Variants in NTM observed in about 807,000 individuals in gnomAD.
NTM encodes neurotrimin, also known as IgLON family member 2.
Under a neutral mutation model 42.1 loss-of-function variants are expected in NTM, and 13 were observed. The observed-to-expected ratio is 0.31, with a 90% CI of 0.20 to 0.49. The LOEUF (loss-of-function observed/expected upper bound fraction) is 0.49. NTM is among the 20% of genes least tolerant of loss of function. The probability of loss-of-function intolerance (pLI) is 0.99; values close to 1 mark genes in which losing one functional copy is unlikely to be tolerated. For missense variants in NTM, 373 were observed against 452.8 expected, an observed-to-expected ratio of 0.82 and a Z score of 1.60; for synonymous variants, 187 against 179.2, an observed-to-expected ratio of 1.04 and a Z score of -0.35.
At chr11:132,044,957 A>G (rs559447677) in intron 2 of NTM, among the ~76,000 whole-genome samples, 1 of 152,320 alleles carries the variant, frequency 6.6e-6, no homozygotes, top group South Asian at 2.1e-4. Flanking sequence ...TACAAAGAAG[A>G]GATAGTACCA....
chr11:131,817,997 A>G (rs949261166), intron 1 of NTM, among the ~76,000 whole-genome samples: 2 of 152,084 alleles, frequency 1.3e-5, no homozygotes, highest in South Asian at 2.1e-4. Context: ...TTCACCAGCA[A>G]CAACACTGAA....
At chr11:132,327,228 C>A (rs1010193496) in intron 7 of NTM, among the ~76,000 whole-genome samples, 1 of 152,212 alleles carries the variant, frequency 6.6e-6, no homozygotes, top group Non-Finnish European at 1.5e-5. Context: ...GGCTCCGTGG[C>A]TGTTCATTTT....
At chr11:131,777,522 A>G (rs1183587988) in intron 1 of NTM, among the ~76,000 whole-genome samples, 1 of 140,778 alleles carries the variant, frequency 7.1e-6, no homozygotes, top group African/African-American at 2.7e-5. Flanking sequence ...TACCATTCTT[A>G]GCATGAGTTT....
At chr11:131,643,238 G>T (rs1342710978) in intron 1 of NTM, among the ~76,000 whole-genome samples, 1 of 152,214 alleles carries the variant, frequency 6.6e-6, no homozygotes, top group East Asian at 1.9e-4. Flanking sequence ...GCACAGCTCA[G>T]AGTGAGTTAA....
At chr11:132,317,734 A>C in intron 7 of NTM, 1 of 1,189,238 alleles carries the variant, frequency 8.4e-7, no homozygotes, top group Non-Finnish European at 1.1e-6. Flanking sequence ...CCTTCCCTCT[A>C]TCCCAGAGGC....
chr11:132,034,079 A>T (rs558240950), intron 2 of NTM, among the ~76,000 whole-genome samples: 2 of 152,314 alleles, frequency 1.3e-5, no homozygotes, highest in African/African-American at 4.8e-5. Flanking sequence ...ATCAAAATAC[A>T]TGACTTTCTT....
intron 1 of NTM, among the ~76,000 whole-genome samples, chr11:131,906,287 T>C (rs1159725131): frequency 6.6e-6 from 1 of 152,060 alleles, no homozygotes; most frequent in Non-Finnish European, 1.5e-5. Context: ...AGTTACTGAG[T>C]GGTCAGCTCT....
chr11:131,932,373 A>T (rs1207396201), intron 2 of NTM, among the ~76,000 whole-genome samples: 2 of 152,228 alleles, frequency 1.3e-5, no homozygotes, highest in Non-Finnish European at 2.9e-5. Flanking sequence ...CAACAAAAAC[A>T]TGCATTATTT....
chr11:131,834,548 C>A (rs2043224141), intron 1 of NTM, among the ~76,000 whole-genome samples: 1 of 150,556 alleles, frequency 6.6e-6, no homozygotes, highest in Non-Finnish European at 1.5e-5. Context: ...TCATCACCCC[C>A]AATGCCATCA....
intron 1 of NTM, among the ~76,000 whole-genome samples, chr11:131,672,487 G>A (rs994794772): frequency 6.6e-6 from 1 of 152,194 alleles, no homozygotes; most frequent in Admixed American, 6.5e-5. Flanking sequence ...CAGCTGGAGT[G>A]CCTCACCCTT....
At chr11:131,487,360 C>T (rs903353133) in intron 1 of NTM, among the ~76,000 whole-genome samples, 5 of 152,078 alleles carry the variant, frequency 3.3e-5, no homozygotes, top group Admixed American at 2.6e-4. Context: ...ACTGGATGCC[C>T]CAAACATAAC....
At chr11:131,532,240 CCCCACT>C (rs1363604609) in intron 1 of NTM, among the ~76,000 whole-genome samples, 1 of 152,184 alleles carries the variant, frequency 6.6e-6, no homozygotes, top group African/African-American at 2.4e-5. Flanking sequence ...CCATTCTCCA[CCCCACT>C]CCTCCAGCTC....
chr11:131,811,102 G>T (rs966363691), intron 1 of NTM, among the ~76,000 whole-genome samples: 6 of 152,188 alleles, frequency 3.9e-5, no homozygotes, highest in Admixed American at 3.9e-4. Flanking sequence ...GAGTAGGAAT[G>T]GGATGTTGTT....
At chr11:132,047,852 T>C (rs1251647363) in intron 2 of NTM, among the ~76,000 whole-genome samples, 6 of 152,188 alleles carry the variant, frequency 3.9e-5, no homozygotes, top group Non-Finnish European at 8.8e-5. Context: ...TCATATTACA[T>C]CCTTGACCTG....
Position 132,225,731 on chromosome 11 carries a change from C to G in NTM, c.526+13584C>G, listed in dbSNP as rs185329147. Among the ~76,000 whole-genome samples the G allele has an allele frequency of 7.2e-4, 109 of 152,088 alleles. 1 individual carries two copies. The highest frequency in any genetic ancestry group is 5.4e-3 in the Admixed American group (83 of 15,282). The stretch of plus-strand genomic sequence containing the variant: ...TTATTTAAATTTATTTTTTATTGTA[C>G]TTTAAGTTCTGGGATACGTGTGCAG... On this transcript the variant is annotated intron_variant, in intron 4 of 8. Transcript: ENST00000683400.
chr11:131,725,779 A>G (rs1439288061), intron 1 of NTM, among the ~76,000 whole-genome samples: 1 of 152,176 alleles, frequency 6.6e-6, no homozygotes, highest in Non-Finnish European at 1.5e-5. Flanking sequence ...GAAGAAGGAC[A>G]GAATCTGACT....
chr11:131,934,401 G>T (rs1347546586), intron 2 of NTM, among the ~76,000 whole-genome samples: 2 of 152,292 alleles, frequency 1.3e-5, no homozygotes, highest in East Asian at 3.9e-4. Context: ...ACCTTGTTGG[G>T]ATGTTTTGAG....
intron 1 of NTM, among the ~76,000 whole-genome samples, chr11:131,557,636 G>C (rs1179942628): frequency 6.6e-6 from 1 of 152,044 alleles, no homozygotes; most frequent in Non-Finnish European, 1.5e-5. Context: ...GTGATGTGCC[G>C]CACAGGGATG....
intron 1 of NTM, among the ~76,000 whole-genome samples, chr11:131,435,792 T>C (rs1212568151): frequency 6.6e-6 from 1 of 152,250 alleles, no homozygotes. Context: ...TTCTCTTGCC[T>C]GATTGCCCTG....
Sources: gnomAD v4.1 joint callset for allele counts (sites outside exome capture counted in the v4.1 genomes callset) on GRCh38, gnomAD v4.1.1 for gene constraint, MANE v1.5 for transcripts, NCBI Gene and HGNC (gene_info 2026-07-23, HGNC 2026-07-21) for gene names.